Variants in FGB observed in about 807,000 individuals in gnomAD.
FGB encodes the protein beta-fibrinogen.
Under a neutral mutation model 57.9 loss-of-function variants are expected in FGB, and 25 were observed. That is an observed-to-expected ratio of 0.43 (90% CI 0.31 to 0.60). FGB has a LOEUF of 0.60. FGB is among the 20% of genes least tolerant of loss of function. The pLI, the probability that FGB is intolerant of heterozygous loss-of-function variation, is 0.08. For missense variants in FGB, 536 were observed against 598.4 expected (o/e 0.90, Z 1.09); for synonymous variants, 203 against 199.2 (o/e 1.02, Z -0.16).
At chr4:154,564,334 C>G (rs1730067045) in intron 1 of FGB, among the ~76,000 whole-genome samples, 1 of 151,972 alleles carries the variant, frequency 6.6e-6, no homozygotes, top group African/African-American at 2.4e-5. Context: ...TCCATGCTAC[C>G]TCTCTAGTGG....
In FGB at chr4:154,570,680, T is replaced by C. The variant is rs1199887064; in HGVS notation, c.*30T>C. 6.6e-7 allele frequency: 1 copy of C among 1,525,722 alleles called. No homozygotes were observed. Among genetic ancestry groups the C allele is most frequent in the South Asian group, 1.1e-5 (1 of 89,050 alleles). The allele number at this position is 1,525,722 out of a possible 1,614,324, so 94.5% of individuals were successfully genotyped here. A position where few individuals can be genotyped will look rare whatever the true frequency, so the allele number is the denominator to read the frequency against. On this transcript the variant is annotated 3_prime_UTR_variant, in exon 8 of 8. Coordinates refer to ENST00000302068, the MANE Select transcript of FGB (RefSeq NM_005141.5). ...CAATACGTAGATTTTTGCTCTTCTG[T>C]ATGTGACAACATTTTTGTACATTAT...
chr4:154,565,594 C>T, intron 1 of FGB: 1 of 576,370 alleles, frequency 1.7e-6, no homozygotes, highest in Middle Eastern at 4.7e-4. Flanking sequence ...TTAAAAACTA[C>T]ACTGCATCAT....
rs2110764161 is a variant in FGB, at chr4:154,566,526, C to CTTT, written c.345_347dup (p.Ala115_Leu116insPhe). The CTTT allele has an allele frequency of 1.2e-6, 2 of 1,614,100 alleles. No individual in the cohort carries two copies. Among genetic ancestry groups the CTTT allele is most frequent in the Non-Finnish European group, 1.7e-6 (2 of 1,180,018 alleles). Reference sequence around the variant, plus strand: ...CCTACAGGATGTCAGTTGCAAGAGGCTTTGCTACAACAGGAAAGGCCAATC... The same window carrying CTTT: ...CCTACAGGATGTCAGTTGCAAGAGGCTTTTTTGCTACAACAGGAAAGGCCAATC... On this transcript the variant is annotated inframe_insertion, in exon 3 of 8. Coordinates refer to ENST00000302068, the MANE Select transcript of FGB (RefSeq NM_005141.5).
In FGB at chr4:154,570,604, T is replaced by C. The variant is rs558143752; in HGVS notation, c.1430T>C (p.Met477Thr). The part of the protein sequence containing the change: ...WMNWKGSWYS[M>T]RKMSMKIRPF... ...AATTGGAAGGGGTCATGGTACTCAA[T>C]GAGGAAGATGAGTATGAAGATCAGG... is the stretch of plus-strand genomic sequence containing the variant. The change falls in exon 8 of 8, where the codon ATG (methionine) becomes ACG (threonine). Residue 477 changes from methionine (M) to threonine (T), a missense_variant. This residue lies in a region of FGB where 177 missense variants were observed against 193.7 expected (regional missense o/e 0.91). Transcript: ENST00000302068. 5.2e-5 allele frequency: 84 copies of C among 1,614,130 alleles called. 2 individuals are homozygous for C. The South Asian group carries it at 9.0e-4, about 17-fold the overall frequency.
chr4:154,564,524 T>C (rs926550707), intron 1 of FGB, among the ~76,000 whole-genome samples: 1 of 152,110 alleles, frequency 6.6e-6, no homozygotes, highest in Admixed American at 6.6e-5. Flanking sequence ...TATAGTCAAC[T>C]GGTTAAACAG....
chr4:154,569,806 G>A lies in FGB; in HGVS notation c.1244+7G>A, dbSNP rs142937995. On this transcript the variant is annotated splice_region_variant and intron_variant, in intron 7 of 7. Transcript: ENST00000302068. ...ACAGAGACAATGACGGCTGGTATGT[G>A]TGGCACTCTTTGCTCCTGCTTTAAA... 635 of 1,614,116 alleles carry A rather than the reference G, an allele frequency of 3.9e-4. 1 individual carries two copies. The highest frequency in any genetic ancestry group is 1.8e-3 in the Middle Eastern group (11 of 6,062).
At chr4:154,563,222 T>G in intron 1 of FGB, 90 bp downstream of exon 1, 1 of 637,178 alleles carries the variant, frequency 1.6e-6, no homozygotes, top group East Asian at 2.9e-5. Flanking sequence ...TTAATGAAAT[T>G]AGCATTGCTT....
At chr4:154,565,246 C>G (rs1044232312) in intron 1 of FGB, 3 of 450,872 alleles carry the variant, frequency 6.7e-6, no homozygotes, top group African/African-American at 6.1e-5. Context: ...GTAAGTCAAC[C>G]CTACGGTCAA....
chr4:154,565,844 A>C lies in FGB; in HGVS notation c.151A>C (p.Lys51Gln). Reference sequence around the variant, plus strand: ...TGCCCGTGGTCATCGACCCCTTGACAAGAAGAGAGAAGAGGCTCCCAGCCT... The same window carrying C: ...TGCCCGTGGTCATCGACCCCTTGACCAGAAGAGAGAAGAGGCTCCCAGCCT... ...FSARGHRPLD[K>Q]KREEAPSLRP... The change falls in exon 2 of 8, where the codon AAG becomes CAG. Residue 51 changes from lysine (K) to glutamine (Q), a missense_variant. Lys to Gln is a moderately conservative substitution (Grantham distance 53). Around this residue, in one of 3 missense-constraint regions of FGB, gnomAD observed 354 missense variants for 383.4 expected, o/e 0.92. Transcript: ENST00000302068. The C allele has an allele frequency of 1.2e-6, 2 of 1,614,176 alleles. No individual in the cohort carries two copies. The highest frequency in any genetic ancestry group is 1.7e-6 in the Non-Finnish European group (2 of 1,180,028).
At chr4:154,564,547 C>A (rs1730076662) in intron 1 of FGB, among the ~76,000 whole-genome samples, 1 of 152,018 alleles carries the variant, frequency 6.6e-6, no homozygotes, top group Admixed American at 6.6e-5. Context: ...AAATCTGGAA[C>A]CAGCCTGGCT....
chr4:154,567,465 A>G (rs1180995202), intron 3 of FGB, 128 bp from the exon 4 acceptor site: 4 of 679,270 alleles, frequency 5.9e-6, no homozygotes, highest in Non-Finnish European at 5.3e-6. Flanking sequence ...ATGACTATAT[A>G]TCATAACTGC....
chr4:154,563,077 TG>T lies in FGB; in HGVS notation c.60del (p.Leu20PhefsTer8). ...HKLKTMKHLL[L>X]LLLCVFLVKS... is the part of the protein sequence containing the mutation. Reference sequence around the variant, plus strand: ...CTTAAAACCATGAAACATCTATTATTGCTACTATTGTGTGTTTTTCTAGTTA... The same window carrying T: ...CTTAAAACCATGAAACATCTATTATTCTACTATTGTGTGTTTTTCTAGTTA... On this transcript the variant is annotated frameshift_variant, in exon 1 of 8. Transcript: ENST00000302068. LOFTEE classifies it high-confidence loss of function. 1.3e-6 allele frequency: 2 copies of T among 1,576,942 alleles called. No homozygotes were observed. Among genetic ancestry groups the T allele is most frequent in the East Asian group, 2.3e-5 (1 of 43,312 alleles).
rs1730125285 is a variant in FGB, at chr4:154,565,691, T to A, written c.115-117T>A. 1.0e-5 allele frequency: 11 copies of A among 1,082,070 alleles called. No individual in the cohort carries two copies. The East Asian group carries it at 2.8e-4, about 28-fold the overall frequency. The allele number at this position is 1,082,070 out of a possible 1,614,324, so 67.0% of individuals were successfully genotyped here. On this transcript the variant is annotated intron_variant, in intron 1 of 7. Coordinates refer to ENST00000302068, the MANE Select transcript of FGB (RefSeq NM_005141.5). ...TATCACCAACCAGCCAGTTGATGGA[T>A]CTTAAGCAAATTATCAAGCTTGTGA...
In FGB at chr4:154,572,293, G is replaced by A. The variant is rs1417971954; in HGVS notation, c.*1643G>A. On this transcript the variant is annotated 3_prime_UTR_variant, in exon 8 of 8. Coordinates refer to ENST00000302068, the MANE Select transcript of FGB (RefSeq NM_005141.5). ...AAAAATCCTGCACATGTGTCATGCT[G>A]GAGCCCTATTGATTCCAACAGGGAT... Among the ~76,000 whole-genome samples the A allele has an allele frequency of 6.6e-6, 1 of 152,122 alleles. No homozygotes were observed. The highest frequency in any genetic ancestry group is 1.5e-5 in the Non-Finnish European group (1 of 68,026).
chr4:154,569,665 C>G lies in FGB; in HGVS notation c.1110C>G (p.Ile370Met), dbSNP rs756271964. ...TVQNEANKYQ[I>M]SVNKYRGTAG... ...AGAATGAAGCCAACAAATACCAGAT[C>G]TCAGTGAACAAATACAGAGGAACAG... Residue 370 changes from isoleucine to methionine, a missense_variant, in exon 7 of 8, where the codon ATC becomes ATG. By Grantham distance (10) the Ile-to-Met change is conservative (BLOSUM62 1). This residue lies in a region of FGB where 177 missense variants were observed against 193.7 expected (regional missense o/e 0.91). Coordinates refer to ENST00000302068, the MANE Select transcript of FGB (RefSeq NM_005141.5). The G allele has an allele frequency of 1.2e-6, 2 of 1,614,116 alleles. No homozygotes were observed. Among genetic ancestry groups the G allele is most frequent in the South Asian group, 2.2e-5 (2 of 91,082 alleles).
At chr4:154,569,062 T>A in intron 5 of FGB, 120 bp from the exon 6 acceptor site, 1 of 1,100,504 alleles carries the variant, frequency 9.1e-7, no homozygotes, top group Non-Finnish European at 1.4e-6. Context: ...CCTTATTGTG[T>A]CTATTTTAGA....
Position 154,569,684 on chromosome 4 carries a change from G to C in FGB, c.1129G>C (p.Gly377Arg). The C allele has an allele frequency of 6.2e-7, 1 of 1,614,072 alleles. No homozygotes were observed. Among genetic ancestry groups the C allele is most frequent in the Non-Finnish European group, 8.5e-7 (1 of 1,179,996 alleles). Residue 377 changes from glycine to arginine, a missense_variant, in exon 7 of 8, where the codon GGA becomes CGA. Physicochemically the swap from Gly to Arg is moderately radical, Grantham distance 125 (BLOSUM62 -2). Transcript: ENST00000302068. ...CCAGATCTCAGTGAACAAATACAGA[G>C]GAACAGCCGGTAATGCCCTCATGGA... is the stretch of plus-strand genomic sequence containing the variant. ...KYQISVNKYRGTAGNALMDGA... is the reference protein window; with the variant it reads ...KYQISVNKYRRTAGNALMDGA...
At chr4:154,564,112 A>G (rs1479479374) in intron 1 of FGB, among the ~76,000 whole-genome samples, 1 of 152,010 alleles carries the variant, frequency 6.6e-6, no homozygotes, top group African/African-American at 2.4e-5. Flanking sequence ...AAGAATGTGT[A>G]AGACGAAATT....
chr4:154,567,426 T>C (rs1047094478), intron 3 of FGB, among the ~76,000 whole-genome samples, 167 bp from the exon 4 acceptor site: 1 of 152,224 alleles, frequency 6.6e-6, no homozygotes, highest in African/African-American at 2.4e-5. Context: ...AATTTGTATA[T>C]GTCATGCGCC....
Sources: allele counts gnomAD v4.1 joint callset (sites outside exome capture counted in the v4.1 genomes callset), GRCh38; gene constraint gnomAD v4.1.1; regional missense constraint gnomAD v4.1.1; transcripts MANE v1.5; gene names NCBI Gene and HGNC (gene_info 2026-07-23, HGNC 2026-07-21).